CNTNAP2: variants seen among roughly 807,000 people sequenced by gnomAD.
CNTNAP2 encodes contactin-associated protein-like 2.
In CNTNAP2, 98 loss-of-function variants were observed where a neutral mutation model predicts 155.2. The ratio of observed to expected loss-of-function variants is 0.63; its 90% CI spans 0.54 to 0.75. CNTNAP2 has a LOEUF of 0.75. CNTNAP2 is among the 30% of genes least tolerant of loss of function. The pLI is 0.00. For missense variants in CNTNAP2, 1,727 were observed against 1,688.1 expected (o/e 1.02, Z -0.40); for synonymous variants, 651 against 631.2 (o/e 1.03, Z -0.47).
intron 22 of CNTNAP2, among the ~76,000 whole-genome samples, chr7:148,408,051 G>A (rs960364521): frequency 6.6e-6 from 1 of 152,074 alleles, no homozygotes; most frequent in African/African-American, 2.4e-5. Flanking sequence ...TTGAGACCAG[G>A]CTGGCTAACA....
In CNTNAP2 at chr7:148,415,888, G is replaced by C. The variant is rs1799976182; in HGVS notation, c.*272G>C. 7.1e-6 allele frequency: 4 copies of C among 565,068 alleles called. No homozygotes were observed. Among genetic ancestry groups the C allele is most frequent in the Non-Finnish European group, 1.3e-5 (4 of 319,636 alleles). The allele number at this position is 565,068 out of a possible 1,614,324, so 35.0% of individuals were successfully genotyped here. A position where few individuals can be genotyped will look rare whatever the true frequency, so the allele number is the denominator to read the frequency against. On this transcript the variant is annotated 3_prime_UTR_variant, in exon 24 of 24. Coordinates refer to ENST00000361727, the MANE Select transcript of CNTNAP2 (RefSeq NM_014141.6). ...AGAGTTTAAGCAATGGTTGAAATTT[G>C]TAGGTACTATCTGTCTTATTTTGTG...
At chr7:147,665,989 G>C (rs950991248) in intron 13 of CNTNAP2, among the ~76,000 whole-genome samples, 1 of 152,140 alleles carries the variant, frequency 6.6e-6, no homozygotes, top group African/African-American at 2.4e-5. Context: ...GCACTTAATA[G>C]TGTATCTATA....
At chr7:147,203,906 C>G (rs1802969895) in intron 8 of CNTNAP2, among the ~76,000 whole-genome samples, 2 of 151,910 alleles carry the variant, frequency 1.3e-5, no homozygotes, top group Non-Finnish European at 1.5e-5. Context: ...GAAATTAGAT[C>G]TGATAATTAA....
At chr7:147,179,977 C>A (rs771303874) in intron 8 of CNTNAP2, among the ~76,000 whole-genome samples, 2 of 152,136 alleles carry the variant, frequency 1.3e-5, no homozygotes, top group African/African-American at 2.4e-5. Flanking sequence ...ATAGAGGATG[C>A]GGTTGTTTGA....
chr7:147,613,347 T>C (rs1248453410), intron 12 of CNTNAP2, among the ~76,000 whole-genome samples: 1 of 152,238 alleles, frequency 6.6e-6, no homozygotes, highest in African/African-American at 2.4e-5. Context: ...CCGTTTCTGT[T>C]AACTACTTGT....
At chr7:146,592,750 A>C (rs550347866) in intron 1 of CNTNAP2, among the ~76,000 whole-genome samples, 246 of 152,254 alleles carry the variant, frequency 1.6e-3, no homozygotes, top group African/African-American at 3.7e-3. Flanking sequence ...TATTAACTTC[A>C]ATAAGGATGG....
intron 21 of CNTNAP2, among the ~76,000 whole-genome samples, chr7:148,272,533 T>A (rs920628738): frequency 6.6e-6 from 1 of 152,158 alleles, no homozygotes; most frequent in Non-Finnish European, 1.5e-5. Flanking sequence ...GATGGTTTAA[T>A]ATGATGGATT....
In CNTNAP2 at chr7:146,148,008, A is replaced by G. The variant is rs182967959; in HGVS notation, c.97+31035A>G. On this transcript the variant is annotated intron_variant, in intron 1 of 23. Transcript: ENST00000361727. ...TGAATTGCAGAATTCCTAGAAAGAA[A>G]ATATGCTCTCTTATAGGACTGTGCT... is the stretch of plus-strand genomic sequence containing the variant. 1.2e-3 allele frequency among the ~76,000 whole-genome samples: 180 copies of G among 152,198 alleles called. 1 individual carries two copies. The highest frequency in any genetic ancestry group is 2.9e-4 in the Non-Finnish European group (20 of 68,002).
At chr7:147,835,612 G>C (rs1274654748) in intron 13 of CNTNAP2, among the ~76,000 whole-genome samples, 1 of 152,192 alleles carries the variant, frequency 6.6e-6, no homozygotes, top group Admixed American at 6.5e-5. Context: ...CATTACTGTA[G>C]TGACTTCAAT....
At chr7:147,348,399 C>A (rs1312192632) in intron 9 of CNTNAP2, among the ~76,000 whole-genome samples, 1 of 151,638 alleles carries the variant, frequency 6.6e-6, no homozygotes, top group Non-Finnish European at 1.5e-5. Flanking sequence ...AAAAAAAATT[C>A]TCAACATTAC....
intron 8 of CNTNAP2, among the ~76,000 whole-genome samples, chr7:147,280,710 TA>T (rs1371179629): frequency 6.6e-6 from 1 of 151,964 alleles, no homozygotes; most frequent in East Asian, 1.9e-4. Flanking sequence ...ACATTAACCT[TA>T]CTTTTATGCT....
At chr7:148,242,909 A>G (rs1245779253) in intron 20 of CNTNAP2, among the ~76,000 whole-genome samples, 1 of 152,230 alleles carries the variant, frequency 6.6e-6, no homozygotes, top group African/African-American at 2.4e-5. Context: ...TTGGTGAGCT[A>G]ATAATTGCCT....
chr7:147,874,539 C>A (rs780231612), intron 13 of CNTNAP2, among the ~76,000 whole-genome samples: 160 of 152,410 alleles, frequency 1.0e-3, no homozygotes, highest in Non-Finnish European at 2.0e-3. Context: ...CTGCACACAG[C>A]AGGGGGGCCC....
At chr7:146,572,366 T>A (rs1584987415) in intron 1 of CNTNAP2, among the ~76,000 whole-genome samples, 1 of 150,206 alleles carries the variant, frequency 6.7e-6, no homozygotes, top group Non-Finnish European at 1.5e-5. Context: ...GAAGACTGGG[T>A]CTCCTATCTT....
chr7:147,385,122 T>C (rs1277360032), intron 9 of CNTNAP2, among the ~76,000 whole-genome samples: 2 of 152,156 alleles, frequency 1.3e-5, no homozygotes, highest in African/African-American at 4.8e-5. Context: ...ACTTATTCAC[T>C]ATCATGAGAA....
At chr7:146,934,553 C>T (rs1041561580) in intron 3 of CNTNAP2, among the ~76,000 whole-genome samples, 1 of 151,820 alleles carries the variant, frequency 6.6e-6, no homozygotes, top group Non-Finnish European at 1.5e-5. Flanking sequence ...ACATATGTAA[C>T]TAACCTGCAC....
intron 3 of CNTNAP2, among the ~76,000 whole-genome samples, chr7:146,946,945 ATTTTT>A: frequency 6.6e-6 from 1 of 152,278 alleles, no homozygotes. Flanking sequence ...CTTTATAGAT[ATTTTT>A]GTTCCTGTAG....
chr7:147,253,088 G>A (rs1362716231), intron 8 of CNTNAP2, among the ~76,000 whole-genome samples: 3 of 152,146 alleles, frequency 2.0e-5, no homozygotes, highest in Non-Finnish European at 2.9e-5. Context: ...AGCCTCAGTG[G>A]GAGAGAATAA....
chr7:148,279,966 G>A (rs933377319), intron 21 of CNTNAP2, among the ~76,000 whole-genome samples: 3 of 152,168 alleles, frequency 2.0e-5, no homozygotes, highest in African/African-American at 7.2e-5. Context: ...CCAAGGGTTA[G>A]TGACTAGGAC....
Sources: gnomAD v4.1 joint callset for allele counts (sites outside exome capture counted in the v4.1 genomes callset) on GRCh38, gnomAD v4.1.1 for gene constraint, MANE v1.5 for transcripts, NCBI Gene and HGNC (gene_info 2026-07-23, HGNC 2026-07-21) for gene names.